ZSWIM6: variants seen among roughly 807,000 people sequenced by gnomAD.
ZSWIM6 encodes zinc finger SWIM-type containing 6, also known as zinc finger SWIM domain-containing protein 6.
Under a neutral mutation model 113.2 loss-of-function variants are expected in ZSWIM6, and 9 were observed. The observed-to-expected ratio is 0.08, with a 90% CI of 0.05 to 0.14. ZSWIM6 has a LOEUF of 0.14. ZSWIM6 is among the 10% of genes least tolerant of loss of function. The pLI, the probability that ZSWIM6 is intolerant of heterozygous loss-of-function variation, is 1.00. For missense variants in ZSWIM6, 1,162 were observed against 1,552.2 expected (o/e 0.75, Z 4.22); for synonymous variants, 611 against 606.5 (o/e 1.01, Z -0.11).
chr5:61,347,839 A>G (rs1744693651), intron 1 of ZSWIM6: 1 of 152,228 alleles, frequency 6.6e-6, no homozygotes, highest in Admixed American at 6.5e-5. Flanking sequence ...AAACGGCAAA[A>G]TAAGTGTCAT....
intron 1 of ZSWIM6, among the ~76,000 whole-genome samples, chr5:61,423,428 A>G (rs1476808687): frequency 2.0e-5 from 3 of 152,090 alleles, no homozygotes; most frequent in African/African-American, 7.2e-5. Context: ...ACACAAAAAA[A>G]AAACAAAACG....
intron 4 of ZSWIM6, among the ~76,000 whole-genome samples, chr5:61,501,529 C>A (rs572303763): frequency 2.0e-5 from 3 of 152,318 alleles, no homozygotes; most frequent in African/African-American, 7.2e-5. Flanking sequence ...TATTGTCTAA[C>A]CAATTGGAAA....
chr5:61,353,176 AT>A, intron 1 of ZSWIM6, among the ~76,000 whole-genome samples: 1 of 152,074 alleles, frequency 6.6e-6, no homozygotes, highest in Middle Eastern at 3.4e-3. Context: ...GAAACCTGAA[AT>A]TTTTCAGTGT....
chr5:61,493,601 C>T lies in ZSWIM6; in HGVS notation c.1183-659C>T, dbSNP rs553041290. Among the ~76,000 whole-genome samples the T allele has an allele frequency of 7.2e-4, 109 of 152,244 alleles. 1 individual carries two copies. The highest frequency in any genetic ancestry group is 1.3e-3 in the Non-Finnish European group (91 of 68,010). ...GTTGGAGAGTCAGGAAGGTGCCAAACTGTTTGTCCTGTTTGTTTTGATATT... is the reference window on the plus strand; with the variant it reads ...GTTGGAGAGTCAGGAAGGTGCCAAATTGTTTGTCCTGTTTGTTTTGATATT... On this transcript the variant is annotated intron_variant, in intron 3 of 13. Transcript: ENST00000252744.
intron 2 of ZSWIM6, among the ~76,000 whole-genome samples, chr5:61,481,929 G>A (rs1747876837): frequency 6.6e-6 from 1 of 152,078 alleles, no homozygotes. Flanking sequence ...AAATATTATA[G>A]CATTTACTAT....
chr5:61,512,262 G>A (rs1748809826), intron 4 of ZSWIM6, among the ~76,000 whole-genome samples: 1 of 151,930 alleles, frequency 6.6e-6, no homozygotes, highest in African/African-American at 2.4e-5. Flanking sequence ...ATTTAGTATT[G>A]TATATTTGAG....
At position 61,332,635 on chromosome 5, in the gene ZSWIM6, C is replaced by T. The variant is rs1215929407; in HGVS notation, c.363C>T (p.Ile121=). The T allele has an allele frequency of 1.6e-6, 2 of 1,225,296 alleles. No individual in the cohort carries two copies. The highest frequency in any genetic ancestry group is 1.6e-5 in the African/African-American group (1 of 60,646). The allele number at this position is 1,225,296 out of a possible 1,614,324, so 75.9% of individuals were successfully genotyped here. A position where few individuals can be genotyped will look rare whatever the true frequency, so the allele number is the denominator to read the frequency against. The change falls in exon 1 of 14, where the codon ATC becomes ATT. Residue 121 remains isoleucine (I), a synonymous_variant. Transcript: ENST00000252744. ...CCTTCCCCCGCAGCGAGCGGGAGATCTGCATGTACTCGTCCTTCAACACCG... is the reference window on the plus strand; with the variant it reads ...CCTTCCCCCGCAGCGAGCGGGAGATTTGCATGTACTCGTCCTTCAACACCG... The part of the protein sequence containing the change: ...YWSFPRSERE[I]CMYSSFNTGG...
chr5:61,340,776 G>A (rs1011296342), intron 1 of ZSWIM6, among the ~76,000 whole-genome samples: 2 of 152,064 alleles, frequency 1.3e-5, no homozygotes, highest in African/African-American at 4.8e-5. Context: ...CTCTTTGGAG[G>A]GGTTATTTGG....
At chr5:61,495,020 T>C (rs1037610508) in intron 4 of ZSWIM6, among the ~76,000 whole-genome samples, 1 of 152,200 alleles carries the variant, frequency 6.6e-6, no homozygotes, top group African/African-American at 2.4e-5. Context: ...TGAGTCTTGG[T>C]ACCCAATGTT....
chr5:61,445,688 T>A (rs1746935714), intron 1 of ZSWIM6, among the ~76,000 whole-genome samples: 1 of 152,182 alleles, frequency 6.6e-6, no homozygotes, highest in Non-Finnish European at 1.5e-5. Context: ...CCATTAGAAA[T>A]TGAAAAACAT....
Position 61,439,131 on chromosome 5 carries a change from A to C in ZSWIM6, c.677-33550A>C, listed in dbSNP as rs535699490. Among the ~76,000 whole-genome samples, 5 of 152,326 alleles carry C rather than the reference A, an allele frequency of 3.3e-5. No homozygotes were observed. The South Asian group carries it at 8.3e-4, about 25-fold the overall frequency. On this transcript the variant is annotated intron_variant, in intron 1 of 13. Transcript: ENST00000252744. ...CAGACATTTGAGAATGTGTTTAGGT[A>C]GTTGAAATTTCAGGCTGACTTTTTA...
chr5:61,390,133 A>G (rs1227617759), intron 1 of ZSWIM6, among the ~76,000 whole-genome samples: 1 of 152,082 alleles, frequency 6.6e-6, no homozygotes, highest in Non-Finnish European at 1.5e-5. Context: ...CTGTCTACGT[A>G]TACATCACAC....
chr5:61,437,073 C>T (rs966924493), intron 1 of ZSWIM6, among the ~76,000 whole-genome samples: 11 of 152,078 alleles, frequency 7.2e-5, no homozygotes, highest in African/African-American at 2.7e-4. Context: ...TGTAAAGTCA[C>T]ACTAAAACCA....
intron 1 of ZSWIM6, among the ~76,000 whole-genome samples, chr5:61,434,034 TAAAA>T (rs893883938): frequency 6.9e-6 from 1 of 145,930 alleles, no homozygotes; most frequent in East Asian, 2.0e-4. Flanking sequence ...AAAAATATAA[TAAAA>T]AATATATGTG....
intron 1 of ZSWIM6, among the ~76,000 whole-genome samples, chr5:61,471,812 T>C (rs1443023377): frequency 6.6e-6 from 1 of 152,190 alleles, no homozygotes; most frequent in East Asian, 1.9e-4. Flanking sequence ...ACAAAACTGG[T>C]CCCTGGTGCG....
intron 1 of ZSWIM6, among the ~76,000 whole-genome samples, chr5:61,412,021 A>G (rs899793961): frequency 1.2e-4 from 18 of 152,356 alleles, no homozygotes; most frequent in African/African-American, 3.6e-4. Context: ...AAATTGATTT[A>G]ATTTCAGCCC....
chr5:61,348,058 A>G lies in ZSWIM6; in HGVS notation c.676+15110A>G, dbSNP rs143131166. Among the ~76,000 whole-genome samples, 503 of 152,198 alleles carry G rather than the reference A, an allele frequency of 3.3e-3. 6 individuals carry two copies. The highest frequency in any genetic ancestry group is 6.8e-3 in the Middle Eastern group (2 of 294). Reference sequence around the variant, plus strand: ...AACACGGTGAAACCCTGTCTCTACTAAAAACACAAAAAGTTAGCCGGGTGT... The same window carrying G: ...AACACGGTGAAACCCTGTCTCTACTGAAAACACAAAAAGTTAGCCGGGTGT... On this transcript the variant is annotated intron_variant, in intron 1 of 13. Transcript: ENST00000252744.
chr5:61,526,682 T>A (rs891559340), intron 7 of ZSWIM6, among the ~76,000 whole-genome samples: 1 of 152,210 alleles, frequency 6.6e-6, no homozygotes, highest in South Asian at 2.1e-4. Context: ...CTAAATTATT[T>A]AAAATGCATG....
At chr5:61,494,227 A>G in intron 3 of ZSWIM6, 33 bp from the exon 4 acceptor site, 2 of 1,543,536 alleles carry the variant, frequency 1.3e-6, no homozygotes, top group Non-Finnish European at 1.8e-6. Flanking sequence ...TTCGTTTTGA[A>G]CAATTTTCTA....
Sources: gnomAD v4.1 joint callset for allele counts (sites outside exome capture counted in the v4.1 genomes callset) on GRCh38, gnomAD v4.1.1 for gene constraint, MANE v1.5 for transcripts, NCBI Gene and HGNC (gene_info 2026-07-23, HGNC 2026-07-21) for gene names.